PIEZO2: variants seen among roughly 807,000 people sequenced by gnomAD.
PIEZO2 encodes piezo-type mechanosensitive ion channel component 2.
In PIEZO2, 172 loss-of-function variants were observed where a neutral mutation model predicts 337.3. The observed-to-expected ratio is 0.51, with a 90% CI of 0.45 to 0.58. PIEZO2 has a LOEUF of 0.58. Ranked by LOEUF, PIEZO2 falls within the 20% of genes least tolerant of loss-of-function variation. The pLI, the probability that PIEZO2 is intolerant of heterozygous loss-of-function variation, is 0.00. For missense variants in PIEZO2, 3,028 were observed against 3,391.3 expected, an observed-to-expected ratio of 0.89 and a Z score of 2.66; for synonymous variants, 1,251 against 1,228.5, an observed-to-expected ratio of 1.02 and a Z score of -0.38.
rs1285862496 is a variant in PIEZO2 at position 10,724,755 on chromosome 18, C to T, written c.5030-6496G>A. Reference sequence around the variant, plus strand: ...TGTACCCCTGGTCTCAGTCCCTGGCCTTGCCCGTGGCTCTGGCAGTCCCCC... The same window carrying T: ...TGTACCCCTGGTCTCAGTCCCTGGCTTTGCCCGTGGCTCTGGCAGTCCCCC... On this transcript the variant is annotated intron_variant, in intron 36 of 55. Transcript: ENST00000674853. This position sits in a 1 kb window ranked among gnomAD's most constrained non-coding sequence, Gnocchi z 5.8. 9.0e-6 allele frequency: 14 copies of T among 1,558,624 alleles called. No homozygotes were observed. The East Asian group carries it at 2.0e-4, about 23-fold the overall frequency.
intron 2 of PIEZO2, among the ~76,000 whole-genome samples, chr18:11,054,735 C>A (rs2037654560): frequency 6.6e-6 from 1 of 152,166 alleles, no homozygotes; most frequent in Non-Finnish European, 1.5e-5. Flanking sequence ...TAGCCCCCAC[C>A]CTGTGGAGAT....
At chr18:10,999,051 T>C (rs1220545391) in intron 2 of PIEZO2, among the ~76,000 whole-genome samples, 1 of 152,042 alleles carries the variant, frequency 6.6e-6, no homozygotes, top group Admixed American at 6.6e-5. Flanking sequence ...ATGTGGAGGA[T>C]CCATGGTTCT....
intron 33 of PIEZO2, chr18:10,738,375 T>C (rs919449498): frequency 6.6e-6 from 1 of 152,176 alleles, no homozygotes; most frequent in Non-Finnish European, 1.5e-5. Context: ...CTTTTATTCA[T>C]ATGGACAAGT....
In PIEZO2 at chr18:10,699,153, C is replaced by A. The variant is rs745659673; in HGVS notation, c.6466G>T (p.Asp2156Tyr). 8 of 1,537,108 alleles carry A rather than the reference C, an allele frequency of 5.2e-6. No individual in the cohort carries two copies. Among genetic ancestry groups the A allele is most frequent in the African/African-American group, 1.4e-5 (1 of 73,026 alleles). Residue 2156 changes from aspartate to tyrosine, a missense_variant, in exon 44 of 56, where the codon GAC becomes TAC. Asp to Tyr is a radical substitution (Grantham distance 160). This residue lies in a region of PIEZO2 where 1,925 missense variants were observed against 2,051.9 expected (regional missense o/e 0.94). Coordinates refer to ENST00000674853, the MANE Select transcript of PIEZO2 (RefSeq NM_001378183.1). ...LKCHGLWDEDDMTESGMAREE... is the reference protein window; with the variant it reads ...LKCHGLWDEDYMTESGMAREE... ...CTGGCCATGCCACTTTCAGTCATGT[C>A]ATCTTCATCCCATAAGCCATGGCAC...
Position 11,127,668 on chromosome 18 carries a change from C to T in PIEZO2, c.64+20857G>A, listed in dbSNP as rs1357226103. Among the ~76,000 whole-genome samples the T allele has an allele frequency of 6.6e-6, 1 of 151,482 alleles. No individual in the cohort carries two copies. The highest frequency in any genetic ancestry group is 1.5e-5 in the Non-Finnish European group (1 of 67,966). ...GACCTTGTGATCATGTAAGTTAATA[C>T]TTAATAAACTCCCCTTTATATATAT... is the stretch of plus-strand genomic sequence containing the variant. On this transcript the variant is annotated intron_variant, in intron 1 of 55. Transcript: ENST00000674853. The surrounding 1 kb of genome is among the most constrained non-coding windows in gnomAD (Gnocchi z 4.5).
At chr18:11,124,043 A>G (rs142714159) in intron 1 of PIEZO2, among the ~76,000 whole-genome samples, 197 of 152,324 alleles carry the variant, frequency 1.3e-3, no homozygotes, top group Non-Finnish European at 2.2e-3. Flanking sequence ...AACACATACC[A>G]TTTTTACTTG....
chr18:11,133,837 CTA>C (rs373558006), intron 1 of PIEZO2, among the ~76,000 whole-genome samples: 6 of 149,764 alleles, frequency 4.0e-5, no homozygotes, highest in Non-Finnish European at 5.9e-5. Flanking sequence ...TAATAAACTC[CTA>C]TATATATATA....
intron 4 of PIEZO2, among the ~76,000 whole-genome samples, chr18:10,871,799 G>C (rs2042146905): frequency 6.6e-6 from 1 of 152,166 alleles, no homozygotes; most frequent in Non-Finnish European, 1.5e-5. Flanking sequence ...TTTGATATAA[G>C]TCAAAGATAC....
rs1233935518 is a variant in PIEZO2 at position 10,859,974 on chromosome 18, G to A, written c.493-2763C>T. 6.6e-6 allele frequency among the ~76,000 whole-genome samples: 1 copy of A among 152,132 alleles called. No homozygotes were observed. The highest frequency in any genetic ancestry group is 1.5e-5 in the Non-Finnish European group (1 of 68,028). The stretch of plus-strand genomic sequence containing the variant: ...TAGGAAGTTTAAAGTGGGGAGGAAG[G>A]ATAGATGATAATCAGGGTAGCTCCT... On this transcript the variant is annotated intron_variant, in intron 5 of 55. Transcript: ENST00000674853. This position sits in a 1 kb window ranked among gnomAD's most constrained non-coding sequence, Gnocchi z 4.9.
intron 1 of PIEZO2, among the ~76,000 whole-genome samples, chr18:11,098,455 C>T (rs2039320208): frequency 6.6e-6 from 1 of 150,756 alleles, no homozygotes; most frequent in African/African-American, 2.4e-5. Flanking sequence ...ATGTATAAAA[C>T]AAAAAGAAAG....
chr18:11,100,827 C>T (rs867819444), intron 1 of PIEZO2, among the ~76,000 whole-genome samples: 1 of 152,182 alleles, frequency 6.6e-6, no homozygotes, highest in Non-Finnish European at 1.5e-5. Flanking sequence ...GATCTCCTGA[C>T]CTCGTGATCC....
intron 4 of PIEZO2, among the ~76,000 whole-genome samples, chr18:10,904,972 G>A (rs2043138921): frequency 6.6e-6 from 1 of 152,188 alleles, no homozygotes; most frequent in African/African-American, 2.4e-5. Flanking sequence ...TAGCCCAGGG[G>A]TGGGCAGGAA....
intron 1 of PIEZO2, among the ~76,000 whole-genome samples, chr18:11,119,190 C>A (rs942345689): frequency 4.0e-5 from 6 of 149,948 alleles, no homozygotes; most frequent in African/African-American, 1.2e-4. Context: ...CTCTGTCACC[C>A]AGGCTGGAGT....
chr18:11,036,519 T>C (rs1442823647), intron 2 of PIEZO2, among the ~76,000 whole-genome samples: 2 of 152,092 alleles, frequency 1.3e-5, no homozygotes, highest in Admixed American at 1.3e-4. Context: ...TTATGCTGCA[T>C]ATATTTTTGT....
chr18:10,688,338 C>A (rs12953346), intron 49 of PIEZO2, among the ~76,000 whole-genome samples: 80,935 of 151,948 alleles, frequency 0.53, 22,150 homozygotes, highest in African/African-American at 0.66. Context: ...ACACGATCTC[C>A]TTCTTTTTTA....
intron 21 of PIEZO2, among the ~76,000 whole-genome samples, chr18:10,769,350 G>A (rs2038500233): frequency 6.6e-6 from 1 of 152,202 alleles, no homozygotes; most frequent in Non-Finnish European, 1.5e-5. Context: ...TATGAAATGG[G>A]GGAGAAGTTC....
intron 2 of PIEZO2, among the ~76,000 whole-genome samples, chr18:11,029,662 C>T (rs1051162318): frequency 1.3e-5 from 2 of 152,074 alleles, no homozygotes; most frequent in Non-Finnish European, 2.9e-5. Context: ...GTTCTTTCTT[C>T]CTTCATTCCT....
Position 11,148,323 on chromosome 18 carries a change from T to A in PIEZO2, c.64+202A>T, listed in dbSNP as rs771929174. 6.6e-6 allele frequency among the ~76,000 whole-genome samples: 1 copy of A among 151,960 alleles called. No homozygotes were observed. Among genetic ancestry groups the A allele is most frequent in the Admixed American group, 6.6e-5 (1 of 15,266 alleles). Reference sequence around the variant, plus strand: ...CAGCACATGCCCGTCCCGAGCATCCTGTTAAGAGATACCCCGATCGCGCGC... The same window carrying A: ...CAGCACATGCCCGTCCCGAGCATCCAGTTAAGAGATACCCCGATCGCGCGC... On this transcript the variant is annotated intron_variant, in intron 1 of 55. Coordinates refer to ENST00000674853, the MANE Select transcript of PIEZO2 (RefSeq NM_001378183.1). The surrounding 1 kb of genome is among the most constrained non-coding windows in gnomAD (Gnocchi z 5.2).
At chr18:10,705,890 G>T (rs1174664317) in intron 40 of PIEZO2, 144 bp from the exon 41 acceptor site, 2 of 1,073,998 alleles carry the variant, frequency 1.9e-6, no homozygotes, top group Non-Finnish European at 2.6e-6. Context: ...TGTTCTTTTA[G>T]GATAATCACT....
Sources: gnomAD v4.1 joint callset for allele counts (sites outside exome capture counted in the v4.1 genomes callset) on GRCh38, gnomAD v4.1.1 for gene constraint, gnomAD v4.1.1 regional missense constraint, Gnocchi (gnomAD v3.1) non-coding constraint, MANE v1.5 for transcripts, NCBI Gene and HGNC (gene_info 2026-07-23, HGNC 2026-07-21) for gene names.